Variants in DHX30 observed in about 807,000 individuals in gnomAD.
DHX30 encodes DExH-box helicase 30, also known as ATP-dependent RNA helicase DHX30.
A neutral mutation model predicts 116.9 loss-of-function variants in DHX30; 4 were observed. That is an observed-to-expected ratio of 0.03 (90% CI 0.02 to 0.08). DHX30 has a LOEUF of 0.08. Among genes scored for constraint, DHX30 ranks in the 10% least tolerant of loss-of-function variants. The pLI is 1.00. For missense variants in DHX30, 871 were observed against 1,595.1 expected, an observed-to-expected ratio of 0.55 and a Z score of 7.73; for synonymous variants, 697 against 651.7, an observed-to-expected ratio of 1.07 and a Z score of -1.06.
In DHX30 at chr3:47,829,607, G is replaced by A. The variant is rs191829402; in HGVS notation, c.366+473G>A. On this transcript the variant is annotated intron_variant, in intron 6 of 21. Transcript: ENST00000445061. ...GATCCACCTGCCTAGGCCTCTCAAA[G>A]TGTTGGGATTACAGGCGTGAGCTCG... is the stretch of plus-strand genomic sequence containing the variant. Among the ~76,000 whole-genome samples the A allele has an allele frequency of 3.5e-3, 533 of 152,010 alleles. 4 individuals are homozygous for A. The highest frequency in any genetic ancestry group is 0.012 in the African/African-American group (499 of 41,496).
Position 47,846,690 on chromosome 3 carries a change from C to T in DHX30, c.1618C>T (p.Leu540=), listed in dbSNP as rs140242193. 6.2e-7 allele frequency: 1 copy of T among 1,614,110 alleles called. No homozygotes were observed. Among genetic ancestry groups the T allele is most frequent in the South Asian group, 1.1e-5 (1 of 91,084 alleles). The part of the protein sequence containing the change: ...GALLFCTVGI[L]LRKLQSNPSL... Reference sequence around the variant, plus strand: ...CCTGCTCTTCTGCACTGTGGGTATCCTGCTGCGTAAGCTGCAGAGCAACCC... The same window carrying T: ...CCTGCTCTTCTGCACTGTGGGTATCTTGCTGCGTAAGCTGCAGAGCAACCC... The change falls in exon 11 of 22, where the codon CTG becomes TTG. Residue 540 remains leucine (L), a synonymous_variant. Transcript: ENST00000445061.
chr3:47,825,428 C>T (rs937545681), intron 4 of DHX30, among the ~76,000 whole-genome samples: 12 of 152,202 alleles, frequency 7.9e-5, no homozygotes, highest in Admixed American at 7.9e-4. Context: ...TGGCACAGGC[C>T]CGAATGGACC....
At chr3:47,806,870 G>T (rs1442188057) in intron 2 of DHX30, among the ~76,000 whole-genome samples, 1 of 151,960 alleles carries the variant, frequency 6.6e-6, no homozygotes, top group Non-Finnish European at 1.5e-5. Context: ...TGGGATTACA[G>T]GCGTGAGCCA....
chr3:47,831,581 C>T (rs879691189), intron 6 of DHX30, among the ~76,000 whole-genome samples: 4 of 151,978 alleles, frequency 2.6e-5, no homozygotes, highest in Non-Finnish European at 5.9e-5. Flanking sequence ...CTGATTTTTT[C>T]CCTTGGCTCT....
chr3:47,825,484 C>T (rs932968898), intron 4 of DHX30, among the ~76,000 whole-genome samples: 2 of 152,194 alleles, frequency 1.3e-5, no homozygotes, highest in African/African-American at 4.8e-5. Flanking sequence ...GGTGCGAGAC[C>T]TCGAGGGAGT....
At chr3:47,806,465 A>G (rs2035529200) in intron 2 of DHX30, among the ~76,000 whole-genome samples, 1 of 115,614 alleles carries the variant, frequency 8.6e-6, no homozygotes, top group Non-Finnish European at 1.8e-5. Flanking sequence ...TTTTTTTCTG[A>G]GATGGAGTCT....
intron 3 of DHX30, 144 bp from the exon 4 acceptor site, chr3:47,817,878 C>T (rs1293947463): frequency 1.3e-6 from 1 of 742,046 alleles, no homozygotes; most frequent in Non-Finnish European, 2.5e-6. Context: ...AGTGCTGTTC[C>T]TCAGAACCTG....
rs917050485 is a variant in DHX30, at chr3:47,829,980, C to A, written c.366+846C>A. Among the ~76,000 whole-genome samples, 7 of 151,224 alleles carry A rather than the reference C, an allele frequency of 4.6e-5. No homozygotes were observed. The East Asian group carries it at 1.2e-3, about 26-fold the overall frequency. ...CCAAGTAGCTGGGACTACAGGTGCC[C>A]GCCACCATGCCCGACTAATTTTTGT... On this transcript the variant is annotated intron_variant, in intron 6 of 21. Transcript: ENST00000445061.
chr3:47,833,745 C>T (rs924852820), intron 6 of DHX30, among the ~76,000 whole-genome samples: 1 of 151,684 alleles, frequency 6.6e-6, no homozygotes, highest in Non-Finnish European at 1.5e-5. Context: ...GTAGTCCCAG[C>T]TACTCGGGAG....
rs10683438 is a variant in DHX30, at chr3:47,829,314, A to ATT, written c.366+195_366+196dup. 4.0e-3 allele frequency among the ~76,000 whole-genome samples: 136 copies of ATT among 34,190 alleles called. 5 individuals are homozygous for ATT. Among genetic ancestry groups the ATT allele is most frequent in the East Asian group, 0.013 (14 of 1,066 alleles). 22.4% of individuals were successfully genotyped at this position (34,190 alleles called of 152,430 possible). A position where few individuals can be genotyped will look rare whatever the true frequency, so the allele number is the denominator to read the frequency against. Reference sequence around the variant, plus strand: ...TATATATATATATATATATATATATATTTTTTTTTTTTTTTTCCTGTGTTT... The same window carrying ATT: ...TATATATATATATATATATATATATATTTTTTTTTTTTTTTTTTCCTGTGTTT... On this transcript the variant is annotated intron_variant, in intron 6 of 21. Transcript: ENST00000445061.
At chr3:47,824,492 A>C (rs910162937) in intron 4 of DHX30, among the ~76,000 whole-genome samples, 2 of 151,986 alleles carry the variant, frequency 1.3e-5, no homozygotes, top group African/African-American at 2.4e-5. Context: ...GGGTTTCACT[A>C]TGCTGCCCAG....
At chr3:47,836,077 C>G (rs554359459) in intron 6 of DHX30, among the ~76,000 whole-genome samples, 1 of 152,356 alleles carries the variant, frequency 6.6e-6, no homozygotes, top group East Asian at 1.9e-4. Context: ...TCCTTCTCTG[C>G]CTGGCTGACT....
At chr3:47,841,238 G>A (rs2037362441) in intron 7 of DHX30, 60 bp downstream of exon 7, 2 of 1,576,082 alleles carry the variant, frequency 1.3e-6, no homozygotes, top group Admixed American at 1.9e-5. Context: ...GGGGATGGGC[G>A]AATGTTCTCT....
At position 47,849,346 on chromosome 3, in the gene DHX30, C is replaced by T; in HGVS notation, c.3084C>T (p.Ile1028=). The T allele has an allele frequency of 6.2e-7, 1 of 1,610,738 alleles. No individual in the cohort carries two copies. The highest frequency in any genetic ancestry group is 8.5e-7 in the Non-Finnish European group (1 of 1,177,970). ...VLMAGLYPNL[I]QVRQGKVTRQ... ...TGGCCGGCCTCTACCCCAACCTCAT[C>T]CAGGTGCTGCCTCTGGGAGGGAATG... Residue 1028 remains isoleucine (I), a synonymous_variant, in exon 19 of 22, where the codon ATC becomes ATT. Transcript: ENST00000445061.
chr3:47,817,441 G>A (rs1216013173), intron 3 of DHX30, among the ~76,000 whole-genome samples: 1 of 152,182 alleles, frequency 6.6e-6, no homozygotes, highest in Non-Finnish European at 1.5e-5. Flanking sequence ...ATGAATGGAA[G>A]TATTTGGAAT....
chr3:47,825,759 C>A (rs1231477142), intron 4 of DHX30, among the ~76,000 whole-genome samples: 2 of 151,918 alleles, frequency 1.3e-5, no homozygotes, highest in African/African-American at 4.8e-5. Context: ...AAGGTGGGGG[C>A]GGGGTGGTGG....
At chr3:47,820,196 C>T (rs1388403672) in intron 4 of DHX30, among the ~76,000 whole-genome samples, 1 of 152,158 alleles carries the variant, frequency 6.6e-6, no homozygotes, top group African/African-American at 2.4e-5. Flanking sequence ...TGCCTGTAAT[C>T]CCAGCTACTT....
chr3:47,808,732 C>T (rs1028930983), intron 2 of DHX30, among the ~76,000 whole-genome samples: 1 of 150,400 alleles, frequency 6.6e-6, no homozygotes, highest in African/African-American at 2.5e-5. Context: ...TGCGCCACCA[C>T]AGCTGGCTAA....
At chr3:47,830,251 C>T (rs1053410203) in intron 6 of DHX30, among the ~76,000 whole-genome samples, 1 of 151,100 alleles carries the variant, frequency 6.6e-6, no homozygotes, top group Non-Finnish European at 1.5e-5. Flanking sequence ...AGCTTGAGAC[C>T]AGCCTGACCA....
Sources: allele counts gnomAD v4.1 joint callset (sites outside exome capture counted in the v4.1 genomes callset), GRCh38; gene constraint gnomAD v4.1.1; transcripts MANE v1.5; gene names NCBI Gene and HGNC (gene_info 2026-07-23, HGNC 2026-07-21).